The following ZNF536 variants were observed in gnomAD, a reference collection of about 807,000 sequenced individuals.
ZNF536 encodes zinc finger protein 536.
In ZNF536, 13 loss-of-function variants were observed where a neutral mutation model predicts 84.5. The ratio of observed to expected loss-of-function variants is 0.15; its 90% CI spans 0.10 to 0.24. The LOEUF is 0.24. Among genes scored for constraint, ZNF536 ranks in the 10% least tolerant of loss-of-function variants. The pLI is 1.00. For synonymous variants in ZNF536, 811 were observed against 742.5 expected, an observed-to-expected ratio of 1.09 and a Z score of -1.50; for missense variants, 1,536 against 1,747.5, an observed-to-expected ratio of 0.88 and a Z score of 2.16.
At chr19:30,582,269 C>G (rs533041361) in intron 1 of ZNF536, among the ~76,000 whole-genome samples, 1 of 151,940 alleles carries the variant, frequency 6.6e-6, no homozygotes, top group Non-Finnish European at 1.5e-5. Context: ...GCCAAGGGAG[C>G]CTGTGGGTGT....
At chr19:30,344,322 C>A (rs2047669187) in intron 2 of ZNF536, among the ~76,000 whole-genome samples, 1 of 51,504 alleles carries the variant, frequency 1.9e-5, no homozygotes, top group African/African-American at 1.2e-4. Context: ...CTCCTATAAT[C>A]CCAGCTACTC....
Position 30,459,355 on chromosome 19 carries a change from T to C in ZNF536, c.2170+13623T>C, listed in dbSNP as rs1214201547. On this transcript the variant is annotated intron_variant, in intron 2 of 4. Transcript: ENST00000355537. The stretch of plus-strand genomic sequence containing the variant: ...CTTTCTTTCCTTCTTTCTTTCTCTC[T>C]TTTTTTTTTTTTTTTGATGGAGTCT... 4.7e-5 allele frequency among the ~76,000 whole-genome samples: 6 copies of C among 128,774 alleles called. No individual in the cohort carries two copies. The East Asian group carries it at 1.3e-3, about 27-fold the overall frequency. The allele number at this position is 128,774 out of a possible 152,430, so 84.5% of individuals were successfully genotyped here. A position where few individuals can be genotyped will look rare whatever the true frequency, so the allele number is the denominator to read the frequency against.
intron 3 of ZNF536, among the ~76,000 whole-genome samples, chr19:30,540,969 G>A (rs1433287236): frequency 1.3e-5 from 2 of 152,248 alleles, no homozygotes; most frequent in Non-Finnish European, 2.9e-5. Flanking sequence ...GCACAGCGAG[G>A]TTAGGGGTGA....
intron 2 of ZNF536, among the ~76,000 whole-genome samples, chr19:30,487,415 G>A (rs1331366788): frequency 6.6e-6 from 1 of 152,110 alleles, no homozygotes; most frequent in Non-Finnish European, 1.5e-5. Flanking sequence ...TGGACCAGGG[G>A]CCGGGCCATG....
intron 1 of ZNF536, among the ~76,000 whole-genome samples, chr19:30,579,711 C>G (rs2046854329): frequency 6.6e-6 from 1 of 152,132 alleles, no homozygotes; most frequent in South Asian, 2.1e-4. Flanking sequence ...CTTTCTGTCC[C>G]CACATCCCCA....
upstream of ZNF536, among the ~76,000 whole-genome samples, chr19:30,368,053 G>A (rs2048493995): frequency 6.6e-6 from 1 of 152,134 alleles, no homozygotes; most frequent in Non-Finnish European, 1.5e-5. Context: ...TAGACTTTGA[G>A]CCACTGAAGG....
rs1555757391 is a variant in ZNF536, at chr19:30,432,006, T to TAC, written c.-2-11545_-2-11544dup. On this transcript the variant is annotated intron_variant, in intron 1 of 4. Coordinates refer to ENST00000355537, the MANE Select transcript of ZNF536 (RefSeq NM_014717.3). The stretch of plus-strand genomic sequence containing the variant: ...TTCATTAAAAGCATATATATATATA[T>TAC]ACACACACACATACACACACACACA... 3.3e-3 allele frequency among the ~76,000 whole-genome samples: 481 copies of TAC among 145,902 alleles called. 10 individuals carry two copies. The highest frequency in any genetic ancestry group is 0.01 in the African/African-American group (404 of 39,032).
At chr19:30,261,858 G>A (rs1177334983) in intron 1 of ZNF536, among the ~76,000 whole-genome samples, 1 of 152,170 alleles carries the variant, frequency 6.6e-6, no homozygotes, top group Non-Finnish European at 1.5e-5. Flanking sequence ...AGGGTGGCCA[G>A]TGTTTCCTGA....
intron 2 of ZNF536, among the ~76,000 whole-genome samples, chr19:30,317,510 G>A (rs1015188232): frequency 1.1e-4 from 17 of 152,196 alleles, no homozygotes; most frequent in Non-Finnish European, 2.5e-4. Flanking sequence ...CCCGAGGAGT[G>A]GGTGCCTCTG....
At chr19:30,704,166 T>A (rs905073992) in intron 1 of ZNF536, among the ~76,000 whole-genome samples, 4 of 151,700 alleles carry the variant, frequency 2.6e-5, no homozygotes, top group African/African-American at 9.7e-5. Context: ...CTGGCAGGAG[T>A]GGGTGTTATT....
intron 2 of ZNF536, among the ~76,000 whole-genome samples, chr19:30,455,694 C>T (rs191676854): frequency 6.6e-6 from 1 of 152,288 alleles, no homozygotes; most frequent in African/African-American, 2.4e-5. Flanking sequence ...GAGCAAGACC[C>T]TGTCTCAAAA....
intron 2 of ZNF536, among the ~76,000 whole-genome samples, chr19:30,495,461 G>C (rs1180057698): frequency 6.6e-6 from 1 of 152,202 alleles, no homozygotes; most frequent in Non-Finnish European, 1.5e-5. Flanking sequence ...AATGGGGAAG[G>C]AGACCTGGAA....
At chr19:30,490,766 CGAAA>C (rs1159505881) in intron 2 of ZNF536, among the ~76,000 whole-genome samples, 2 of 152,182 alleles carry the variant, frequency 1.3e-5, no homozygotes, top group East Asian at 3.9e-4. Flanking sequence ...GGATTGCCCA[CGAAA>C]GAGTTTATTT....
intron 2 of ZNF536, among the ~76,000 whole-genome samples, chr19:30,335,578 C>T (rs1260183787): frequency 1.3e-5 from 2 of 152,168 alleles, no homozygotes; most frequent in East Asian, 3.9e-4. Flanking sequence ...GACCCAGTCC[C>T]GGCCCCTTTC....
intron 2 of ZNF536, among the ~76,000 whole-genome samples, chr19:30,295,102 G>T (rs1179987871): frequency 3.3e-5 from 5 of 152,182 alleles, no homozygotes; most frequent in Admixed American, 2.6e-4. Context: ...TGCAGATTCT[G>T]ATTCAGCACA....
intron 3 of ZNF536, among the ~76,000 whole-genome samples, chr19:30,537,657 ATAACCTGG>A (rs2045144699): frequency 6.6e-6 from 1 of 152,238 alleles, no homozygotes; most frequent in South Asian, 2.1e-4. Flanking sequence ...GAAGTTCTGG[ATAACCTGG>A]GAGAGAGCAA....
At chr19:30,294,549 ATGTGTGTGTGTGTGTGTGTG>A (rs55972417) in intron 2 of ZNF536, among the ~76,000 whole-genome samples, 2 of 145,504 alleles carry the variant, frequency 1.4e-5, no homozygotes, top group South Asian at 2.3e-4. Flanking sequence ...AGGCCCCAAT[ATGTGTGTGTGTGTGTGTGTG>A]TGTGTGTGTG....
At chr19:30,387,435 G>T (rs1286818776) in intron 1 of ZNF536, among the ~76,000 whole-genome samples, 1 of 152,158 alleles carries the variant, frequency 6.6e-6, no homozygotes, top group African/African-American at 2.4e-5. Flanking sequence ...GAGATGCCCA[G>T]AACCTGCCCT....
At chr19:30,319,637 T>G (rs1039560957) in intron 2 of ZNF536, among the ~76,000 whole-genome samples, 2 of 152,228 alleles carry the variant, frequency 1.3e-5, no homozygotes, top group Non-Finnish European at 2.9e-5. Flanking sequence ...TATATTTATA[T>G]CTCTTGTTAA....
Sources: allele counts gnomAD v4.1 joint callset (sites outside exome capture counted in the v4.1 genomes callset), GRCh38; gene constraint gnomAD v4.1.1; transcripts MANE v1.5; gene names NCBI Gene and HGNC (gene_info 2026-07-23, HGNC 2026-07-21).